TAGAP: variants seen among roughly 807,000 people sequenced by gnomAD.
The protein encoded by TAGAP is T-cell activation Rho GTPase-activating protein.
Under a neutral mutation model 36.0 loss-of-function variants are expected in TAGAP, and 16 were observed. The observed-to-expected ratio is 0.44, with a 90% CI of 0.30 to 0.68. The LOEUF (loss-of-function observed/expected upper bound fraction) is 0.68, where lower values mean the gene tolerates loss of function less well. TAGAP is among the 30% of genes least tolerant of loss of function. The pLI, the probability that TAGAP is intolerant of heterozygous loss-of-function variation, is 0.09. For synonymous variants in TAGAP, 372 were observed against 377.4 expected, an observed-to-expected ratio of 0.99 and a Z score of 0.17; for missense variants, 794 against 921.5, an observed-to-expected ratio of 0.86 and a Z score of 1.79.
At chr6:159,040,576 T>G in intron 7 of TAGAP, 147 bp downstream of exon 7, 2 of 589,526 alleles carry the variant, frequency 3.4e-6, no homozygotes, top group Non-Finnish European at 5.9e-6. Flanking sequence ...GTTTTTGTTC[T>G]GGGAGTGGAC....
rs1779473368 is a variant in TAGAP, at chr6:159,034,792, G to C, written c.*1035C>G. Reference sequence around the variant, plus strand: ...GCTGAAAAAAAATGGCTTAAAGTAGGTGCTTTTTTAATGGTTTTGCAAATT... The same window carrying C: ...GCTGAAAAAAAATGGCTTAAAGTAGCTGCTTTTTTAATGGTTTTGCAAATT... On this transcript the variant is annotated 3_prime_UTR_variant, in exon 10 of 10. Transcript: ENST00000367066. The C allele has an allele frequency of 6.6e-6, 1 of 152,082 alleles. No individual in the cohort carries two copies. Among genetic ancestry groups the C allele is most frequent in the Non-Finnish European group, 1.5e-5 (1 of 68,004 alleles). 9.4% of individuals were successfully genotyped at this position (152,082 alleles called of 1,614,324 possible).
chr6:159,038,713 T>C (rs570641287), intron 8 of TAGAP, among the ~76,000 whole-genome samples: 1 of 152,298 alleles, frequency 6.6e-6, no homozygotes, highest in South Asian at 2.1e-4. Flanking sequence ...AGTTAGATAC[T>C]CCTTGGTGTT....
In TAGAP at chr6:159,040,824, G is replaced by A; in HGVS notation, c.486C>T (p.Leu162=). Residue 162 remains leucine (L), a synonymous_variant, in exon 7 of 10, where the codon CTC becomes CTT. Transcript: ENST00000367066. ...AAAGTAGCTTCCGGGGGATACTTCTGAGGAAGTCCTGGGGGATGAGAGTGG... is the reference window on the plus strand; with the variant it reads ...AAAGTAGCTTCCGGGGGATACTTCTAAGGAAGTCCTGGGGGATGAGAGTGG... ...HLLAVVFKDF[L]RSIPRKLLSS... 1 of 1,613,840 alleles carries A rather than the reference G, an allele frequency of 6.2e-7. No individual in the cohort carries two copies. Among genetic ancestry groups the A allele is most frequent in the Non-Finnish European group, 8.5e-7 (1 of 1,179,704 alleles).
In TAGAP at chr6:159,036,655, A is replaced by G. The variant is rs755555161; in HGVS notation, c.1368T>C (p.Val456=). ...APGSVLPRAL[V]LKAFSSSSLD... ...GCGAGCTGCTGGAGAAGGCTTTGAG[A>G]ACCAGTGCCCGCGGGAGCACCGAAC... The change falls in exon 10 of 10, where the codon GTT becomes GTC. Residue 456 remains valine (V), a synonymous_variant. Transcript: ENST00000367066. The surrounding 1 kb of genome is among the most constrained non-coding windows in gnomAD (Gnocchi z 4.9). The G allele has an allele frequency of 9.9e-6, 16 of 1,614,118 alleles. No individual in the cohort carries two copies. The highest frequency in any genetic ancestry group is 1.4e-5 in the Non-Finnish European group (16 of 1,180,020).
intron 7 of TAGAP, 58 bp from the exon 8 acceptor site, chr6:159,039,367 A>C: frequency 6.4e-7 from 1 of 1,555,334 alleles, no homozygotes; most frequent in East Asian, 2.3e-5. Flanking sequence ...TCAGTGTAGC[A>C]AGCTGAGAGT....
rs1779768699 is a variant in TAGAP, at chr6:159,041,959, T to C, written c.315+119A>G. 1.7e-6 allele frequency: 2 copies of C among 1,151,646 alleles called. No individual in the cohort carries two copies. Among genetic ancestry groups the C allele is most frequent in the South Asian group, 3.0e-5 (2 of 66,270 alleles). 71.3% of individuals were successfully genotyped at this position (1,151,646 alleles called of 1,614,324 possible). On this transcript the variant is annotated intron_variant, in intron 5 of 9. Coordinates refer to ENST00000367066, the MANE Select transcript of TAGAP (RefSeq NM_054114.5). This position sits in a 1 kb window ranked among gnomAD's most constrained non-coding sequence, Gnocchi z 4.1. ...TATGTGGGAGTGCCATGTTGAAGAG[T>C]GGAAAATATGGAAGATCAGTCCCTA...
Position 159,036,922 on chromosome 6 carries a change from G to A in TAGAP, c.1101C>T (p.Ser367=), listed in dbSNP as rs1370861338. The change falls in exon 10 of 10, where the codon AGC becomes AGT. Residue 367 remains serine (S), a synonymous_variant. Coordinates refer to ENST00000367066, the MANE Select transcript of TAGAP (RefSeq NM_054114.5). The surrounding 1 kb of genome is among the most constrained non-coding windows in gnomAD (Gnocchi z 4.9). ...ATCTCCTATCGGGCTGTGCGAGGGAGCTTTTCAGCCTGGCCACGGTGCTCA... is the reference window on the plus strand; with the variant it reads ...ATCTCCTATCGGGCTGTGCGAGGGAACTTTTCAGCCTGGCCACGGTGCTCA... ...PIVSTVARLK[S]SLAQPDRRYS... 3.7e-6 allele frequency: 6 copies of A among 1,613,662 alleles called. No individual in the cohort carries two copies. The Admixed American group carries it at 5.0e-5, about 13-fold the overall frequency.
rs777164310 is a variant in TAGAP at position 159,036,184 on chromosome 6, C to G, written c.1839G>C (p.Gln613His). 1.2e-6 allele frequency: 2 copies of G among 1,611,700 alleles called. No homozygotes were observed. The highest frequency in any genetic ancestry group is 1.7e-6 in the Non-Finnish European group (2 of 1,179,028). The change falls in exon 10 of 10, where the codon CAG becomes CAC. Residue 613 changes from glutamine (Q) to histidine (H), a missense_variant. Gln to His is a conservative substitution (Grantham distance 24). Coordinates refer to ENST00000367066, the MANE Select transcript of TAGAP (RefSeq NM_054114.5). This position sits in a 1 kb window ranked among gnomAD's most constrained non-coding sequence, Gnocchi z 4.9. ...PAARLVASESQTVGSMTVGSM... is the reference protein window; with the variant it reads ...PAARLVASESHTVGSMTVGSM... ...TCCCCACCGTCATGCTCCCCACGGTCTGGCTCTCGGAGGCCACTAGTCTGG... is the reference window on the plus strand; with the variant it reads ...TCCCCACCGTCATGCTCCCCACGGTGTGGCTCTCGGAGGCCACTAGTCTGG...
rs1241552648 is a variant in TAGAP at position 159,036,165 on chromosome 6, C to T, written c.1858G>A (p.Val620Met). Residue 620 changes from valine to methionine, a missense_variant, in exon 10 of 10, where the codon GTG (valine) becomes ATG (methionine). Coordinates refer to ENST00000367066, the MANE Select transcript of TAGAP (RefSeq NM_054114.5). The surrounding 1 kb of genome is among the most constrained non-coding windows in gnomAD (Gnocchi z 4.9). ...AGCATCCTCGCCCTCATGCTCCCCACCGTCATGCTCCCCACGGTCTGGCTC... is the reference window on the plus strand; with the variant it reads ...AGCATCCTCGCCCTCATGCTCCCCATCGTCATGCTCCCCACGGTCTGGCTC... ...SESQTVGSMT[V>M]GSMRARMLEA... The T allele has an allele frequency of 1.9e-6, 3 of 1,612,492 alleles. No homozygotes were observed. The highest frequency in any genetic ancestry group is 2.2e-5 in the South Asian group (2 of 90,966).
rs749729744 is a variant in TAGAP at position 159,036,446 on chromosome 6, G to C, written c.1577C>G (p.Ala526Gly). The C allele has an allele frequency of 1.2e-6, 2 of 1,614,132 alleles. No homozygotes were observed. Among genetic ancestry groups the C allele is most frequent in the Admixed American group, 1.7e-5 (1 of 60,020 alleles). Residue 526 changes from alanine to glycine, a missense_variant, in exon 10 of 10, where the codon GCG (alanine) becomes GGG (glycine). Coordinates refer to ENST00000367066, the MANE Select transcript of TAGAP (RefSeq NM_054114.5). The surrounding 1 kb of genome is among the most constrained non-coding windows in gnomAD (Gnocchi z 4.9). ...AAAGTCTTGCGATTTCCCAGAGCCC[G>C]CGCTGAGGTTTTTGGTCAGCACTTT... is the stretch of plus-strand genomic sequence containing the variant. ...HKKVLTKNLSAGSGKSQDFTR... is the reference protein window; with the variant it reads ...HKKVLTKNLSGGSGKSQDFTR...
chr6:159,043,540 AC>A lies in TAGAP; in HGVS notation c.148+48del, dbSNP rs762875322. 2.5e-6 allele frequency: 4 copies of A among 1,573,924 alleles called. No individual in the cohort carries two copies. In the African/African-American group the frequency reaches 5.4e-5, roughly 21 times the overall value. ...CGCTGTGGTTTTGCAAACCAAGAGC[AC>A]TGGTTGTTAGCACTTACATAAAAGA... On this transcript the variant is annotated intron_variant, in intron 4 of 9. Coordinates refer to ENST00000367066, the MANE Select transcript of TAGAP (RefSeq NM_054114.5).
Position 159,037,078 on chromosome 6 carries a change from A to AGGGTCGTT in TAGAP, c.937_944dup (p.Asp316ThrfsTer47). On this transcript the variant is annotated frameshift_variant, in exon 10 of 10. Transcript: ENST00000367066. LOFTEE classifies it low-confidence loss of function (END_TRUNC). This position sits in a 1 kb window ranked among gnomAD's most constrained non-coding sequence, Gnocchi z 5.1. ...CACTGCTGCTGTTGGATTCCACATC[A>AGGGTCGTT]GGGTCGTTGCTGTCGTAGGCTGAGT... 1 of 1,612,502 alleles carries AGGGTCGTT rather than the reference A, an allele frequency of 6.2e-7. No homozygotes were observed. The highest frequency in any genetic ancestry group is 8.5e-7 in the Non-Finnish European group (1 of 1,180,024).
In TAGAP at chr6:159,037,561, A is replaced by G. The variant is rs1243872424; in HGVS notation, c.899-437T>C. ...TACCAATCAGGGCACTAGGTGATTT[A>G]TTAGCAGAACTACTTAGGGGCTTGA... On this transcript the variant is annotated intron_variant, in intron 9 of 9. Coordinates refer to ENST00000367066, the MANE Select transcript of TAGAP (RefSeq NM_054114.5). This position sits in a 1 kb window ranked among gnomAD's most constrained non-coding sequence, Gnocchi z 5.1. Among the ~76,000 whole-genome samples, 1 of 152,214 alleles carries G rather than the reference A, an allele frequency of 6.6e-6. No homozygotes were observed. The highest frequency in any genetic ancestry group is 1.5e-5 in the Non-Finnish European group (1 of 68,038).
chr6:159,037,605 A>G lies in TAGAP; in HGVS notation c.899-481T>C, dbSNP rs1022442145. 1.3e-4 allele frequency among the ~76,000 whole-genome samples: 20 copies of G among 152,366 alleles called. 1 individual carries two copies. The South Asian group carries it at 1.9e-3, about 14-fold the overall frequency. ...GGCTTGATATGACAAGAAATGTACCACATGAAAAGTTTATTTCTTTCTGAA... is the reference window on the plus strand; with the variant it reads ...GGCTTGATATGACAAGAAATGTACCGCATGAAAAGTTTATTTCTTTCTGAA... On this transcript the variant is annotated intron_variant, in intron 9 of 9. Transcript: ENST00000367066. This position sits in a 1 kb window ranked among gnomAD's most constrained non-coding sequence, Gnocchi z 5.1.
chr6:159,035,570 G>A lies in TAGAP; in HGVS notation c.*257C>T. On this transcript the variant is annotated 3_prime_UTR_variant, in exon 10 of 10. Transcript: ENST00000367066. The stretch of plus-strand genomic sequence containing the variant: ...CACTGCAAGTTCAAAACGTGTGCAG[G>A]GATTATTAGACATCCTTTGCACCTA... 1 of 348,046 alleles carries A rather than the reference G, an allele frequency of 2.9e-6. No homozygotes were observed. The highest frequency in any genetic ancestry group is 4.5e-5 in the East Asian group (1 of 22,210). 21.6% of individuals were successfully genotyped at this position (348,046 alleles called of 1,614,324 possible). A position where few individuals can be genotyped will look rare whatever the true frequency, so the allele number is the denominator to read the frequency against.
chr6:159,044,987 G>T lies in TAGAP; in HGVS notation c.-167C>A. The T allele has an allele frequency of 2.5e-6, 1 of 398,388 alleles. No homozygotes were observed. Among genetic ancestry groups the T allele is most frequent in the South Asian group, 1.3e-4 (1 of 7,840 alleles). 24.7% of individuals were successfully genotyped at this position (398,388 alleles called of 1,614,324 possible). A position where few individuals can be genotyped will look rare whatever the true frequency, so the allele number is the denominator to read the frequency against. ...TAGTCCACTGGGAGAGAGAGAGACCGAGCCGGTCTCCCTTCACATGCTCTG... is the reference window on the plus strand; with the variant it reads ...TAGTCCACTGGGAGAGAGAGAGACCTAGCCGGTCTCCCTTCACATGCTCTG... On this transcript the variant is annotated 5_prime_UTR_variant, in exon 1 of 10. Transcript: ENST00000367066.
intron 8 of TAGAP, 36 bp from the exon 9 acceptor site, chr6:159,038,264 A>AATTT: frequency 1.2e-6 from 1 of 825,314 alleles, no homozygotes; most frequent in Non-Finnish European, 1.8e-6. Context: ...CAGCTTGAAG[A>AATTT]CTTTTTTTTT....
At position 159,039,229 on chromosome 6, in the gene TAGAP, G is replaced by A. The variant is rs1157534705; in HGVS notation, c.668C>T (p.Ser223Phe). The change falls in exon 8 of 10, where the codon TCT becomes TTT. Residue 223 changes from serine to phenylalanine, a missense_variant. Physicochemically the swap from Ser to Phe is radical, Grantham distance 155. Coordinates refer to ENST00000367066, the MANE Select transcript of TAGAP (RefSeq NM_054114.5). ...VYVLHLISKN[S>F]EVNRMDSSNL... ...GCTGGAGTCCATCCTGTTCACCTCA[G>A]AGTTCTTGCTGATGAGGTGCAGCAC... is the stretch of plus-strand genomic sequence containing the variant. 6.2e-7 allele frequency: 1 copy of A among 1,614,056 alleles called. No individual in the cohort carries two copies.
At chr6:159,038,773 A>G (rs756165067) in intron 8 of TAGAP, 20 of 434,568 alleles carry the variant, frequency 4.6e-5, no homozygotes, top group Non-Finnish European at 6.3e-5. Flanking sequence ...TAAAGTATTA[A>G]TAAAATTTTC....
Sources: allele counts gnomAD v4.1 joint callset (sites outside exome capture counted in the v4.1 genomes callset), GRCh38; gene constraint gnomAD v4.1.1; non-coding constraint Gnocchi (gnomAD v3.1); transcripts MANE v1.5; gene names NCBI Gene and HGNC (gene_info 2026-07-23, HGNC 2026-07-21).